GABRB1: variants seen among roughly 807,000 people sequenced by gnomAD.
The protein encoded by GABRB1 is gamma-aminobutyric acid receptor subunit beta-1.
GABRB1 carries 17 observed loss-of-function variants against 51.6 expected under a neutral mutation model. That is an observed-to-expected ratio of 0.33 (90% CI 0.23 to 0.49). The LOEUF (loss-of-function observed/expected upper bound fraction) is 0.49. Ranked by LOEUF, GABRB1 falls within the 20% of genes least tolerant of loss-of-function variation. GABRB1 has a pLI of 0.99. For missense variants in GABRB1, 410 were observed against 600.6 expected (o/e 0.68, Z 3.32); for synonymous variants, 247 against 218.9 (o/e 1.13, Z -1.14).
intron 3 of GABRB1, among the ~76,000 whole-genome samples, chr4:47,033,350 G>T (rs1263959552): frequency 1.3e-5 from 2 of 152,158 alleles, no homozygotes. Context: ...CACTTTCTCT[G>T]TTGGCTGGTT....
chr4:47,358,676 T>A (rs958429285), intron 5 of GABRB1, among the ~76,000 whole-genome samples: 1 of 152,136 alleles, frequency 6.6e-6, no homozygotes, highest in African/African-American at 2.4e-5. Flanking sequence ...TAATTACCTC[T>A]GCAAAGACCC....
chr4:47,042,618 A>G lies in GABRB1; in HGVS notation c.240+10134A>G, dbSNP rs1346881093. ...TTGTTAAAGAATAATTTGATTGAGT[A>G]TTACAAAGTGAATGACATTTAAAAA... is the stretch of plus-strand genomic sequence containing the variant. On this transcript the variant is annotated intron_variant, in intron 3 of 8. Transcript: ENST00000295454. Among the ~76,000 whole-genome samples, 5 of 151,376 alleles carry G rather than the reference A, an allele frequency of 3.3e-5. No individual in the cohort carries two copies. The Admixed American group carries it at 3.3e-4, about 10-fold the overall frequency.
At chr4:47,317,569 T>C (rs1009306481) in intron 4 of GABRB1, among the ~76,000 whole-genome samples, 2 of 151,908 alleles carry the variant, frequency 1.3e-5, no homozygotes, top group Admixed American at 6.6e-5. Context: ...GTAAAACATT[T>C]TGAAAAAAAA....
intron 7 of GABRB1, 35 bp from the exon 8 acceptor site, chr4:47,406,647 C>T (rs939181875): frequency 1.3e-5 from 21 of 1,611,936 alleles, no homozygotes; most frequent in African/African-American, 2.7e-5. Context: ...TTAATAGTGG[C>T]ACCTTCAGCT....
intron 3 of GABRB1, among the ~76,000 whole-genome samples, chr4:47,055,921 G>A (rs1726578517): frequency 6.6e-6 from 1 of 152,070 alleles, no homozygotes; most frequent in South Asian, 2.1e-4. Context: ...GGGAATGTTG[G>A]CTCTTACAAA....
intron 5 of GABRB1, among the ~76,000 whole-genome samples, chr4:47,326,290 T>C (rs145807100): frequency 2.7e-4 from 41 of 152,298 alleles, no homozygotes; most frequent in Admixed American, 5.9e-4. Context: ...CCAAAAGCTA[T>C]GTCACAGTGC....
intron 1 of GABRB1, among the ~76,000 whole-genome samples, chr4:47,018,488 A>C (rs1210643542): frequency 6.6e-6 from 1 of 152,190 alleles, no homozygotes; most frequent in African/African-American, 2.4e-5. Context: ...TAAAATATGT[A>C]GTTGACCTTT....
intron 4 of GABRB1, among the ~76,000 whole-genome samples, chr4:47,265,427 T>C (rs1313411730): frequency 6.6e-6 from 1 of 152,180 alleles, no homozygotes; most frequent in Non-Finnish European, 1.5e-5. Context: ...TGAGCGCAGA[T>C]ATCTTTTGAC....
chr4:47,273,612 G>C (rs1464386072), intron 4 of GABRB1, among the ~76,000 whole-genome samples: 1 of 151,994 alleles, frequency 6.6e-6, no homozygotes, highest in Admixed American at 6.6e-5. Context: ...ACTTAGGCTG[G>C]TCATGGGCTG....
intron 3 of GABRB1, among the ~76,000 whole-genome samples, chr4:47,036,402 T>C (rs1265088334): frequency 6.6e-6 from 1 of 152,152 alleles, no homozygotes; most frequent in Non-Finnish European, 1.5e-5. Flanking sequence ...CTTCTCAATC[T>C]TTAACATATA....
In GABRB1 at chr4:47,268,196, A is replaced by AC. The variant is rs547943235; in HGVS notation, c.462-51931_462-51930insC. Among the ~76,000 whole-genome samples, 155 of 152,310 alleles carry AC rather than the reference A, an allele frequency of 1.0e-3. 1 individual carries two copies. Among genetic ancestry groups the AC allele is most frequent in the African/African-American group, 3.6e-3 (150 of 41,574 alleles). ...ACCTGATACTTCAAAACTAAAAAAA[A>AC]TTTACCTCCATTTATATACTTTCTT... On this transcript the variant is annotated intron_variant, in intron 4 of 8. Transcript: ENST00000295454.
intron 1 of GABRB1, among the ~76,000 whole-genome samples, chr4:47,026,235 C>G (rs1725088249): frequency 6.6e-6 from 1 of 151,852 alleles, no homozygotes; most frequent in African/African-American, 2.4e-5. Flanking sequence ...TGCCCTTGCC[C>G]CAACAGTTTG....
intron 4 of GABRB1, among the ~76,000 whole-genome samples, chr4:47,232,647 C>T (rs1217817793): frequency 6.6e-6 from 1 of 152,176 alleles, no homozygotes; most frequent in Non-Finnish European, 1.5e-5. Flanking sequence ...GAAACATCAT[C>T]TCCTTCTCCT....
chr4:47,042,555 C>A (rs1413663920), intron 3 of GABRB1, among the ~76,000 whole-genome samples: 2 of 150,114 alleles, frequency 1.3e-5, no homozygotes, highest in Non-Finnish European at 3.0e-5. Flanking sequence ...ATCTTACTGG[C>A]ACATGGACTG....
intron 4 of GABRB1, among the ~76,000 whole-genome samples, chr4:47,313,866 G>A (rs1228285120): frequency 6.6e-6 from 1 of 152,046 alleles, no homozygotes; most frequent in East Asian, 1.9e-4. Context: ...TTGTGTATTA[G>A]TGCTGTCCTC....
intron 2 of GABRB1, 74 bp downstream of exon 2, chr4:47,032,079 AAAAAAAAG>A: frequency 1.1e-6 from 1 of 951,522 alleles, no homozygotes; most frequent in Admixed American, 2.1e-5. Context: ...ATGTCAAAAA[AAAAAAAAG>A]AAAAGGCATG....
intron 4 of GABRB1, among the ~76,000 whole-genome samples, chr4:47,166,913 C>G (rs1718215639): frequency 6.6e-6 from 1 of 152,048 alleles, no homozygotes; most frequent in South Asian, 2.1e-4. Flanking sequence ...TTTTCCTAAC[C>G]AGATGAAAAC....
At chr4:47,350,204 TATATATATATATATAG>T (rs1175100579) in intron 5 of GABRB1, among the ~76,000 whole-genome samples, 1 of 93,310 alleles carries the variant, frequency 1.1e-5, no homozygotes, top group Admixed American at 1.2e-4. Context: ...TATATATATA[TATATATATATATATAG>T]AGAGAGAGAG....
At chr4:47,125,217 T>C (rs1453477499) in intron 3 of GABRB1, among the ~76,000 whole-genome samples, 1 of 152,090 alleles carries the variant, frequency 6.6e-6, no homozygotes, top group Non-Finnish European at 1.5e-5. Flanking sequence ...ACAAGAGTAC[T>C]ACTCCCAGCA....
Sources: gnomAD v4.1 joint callset for allele counts (sites outside exome capture counted in the v4.1 genomes callset) on GRCh38, gnomAD v4.1.1 for gene constraint, MANE v1.5 for transcripts, NCBI Gene and HGNC (gene_info 2026-07-23, HGNC 2026-07-21) for gene names.